Variants in BRCA2 observed in about 807,000 individuals in gnomAD.
BRCA2 encodes BRCA2 DNA repair associated, also known as breast cancer type 2 susceptibility protein.
A neutral mutation model predicts 276.7 loss-of-function variants in BRCA2; 203 were observed. That is an observed-to-expected ratio of 0.73 (90% CI 0.65 to 0.82). BRCA2 has a LOEUF of 0.82. BRCA2 is among the 40% of genes least tolerant of loss of function. The probability of loss-of-function intolerance (pLI) is 0.00; values close to 1 mark genes in which losing one functional copy is unlikely to be tolerated. For synonymous variants in BRCA2, 1,289 were observed against 1,338.4 expected, an observed-to-expected ratio of 0.96 and a Z score of 0.81; for missense variants, 3,920 against 3,915.0, an observed-to-expected ratio of 1.00 and a Z score of -0.03.
chr13:32,381,428 G>A (rs2072923710), intron 24 of BRCA2, among the ~76,000 whole-genome samples: 1 of 152,170 alleles, frequency 6.6e-6, no homozygotes, highest in South Asian at 2.1e-4. Flanking sequence ...GAGAGGTGAG[G>A]AGAGAGACCT....
rs373203204 is a variant in BRCA2 at position 32,376,723 on chromosome 13, C to T, written c.8686C>T (p.Arg2896Cys). ...PSRALTRQQV[R>C]ALQDGAELYE... ...ACGTGCACTAACAAGACAGCAAGTT[C>T]GTGCTTTGCAAGATGGTGCAGAGCT... The change falls in exon 21 of 27, where the codon CGT (arginine) becomes TGT (cysteine). Residue 2896 changes from arginine to cysteine, a missense_variant. Physicochemically the swap from Arg to Cys is radical, Grantham distance 180 (BLOSUM62 -3). Around this residue, in one of 2 missense-constraint regions of BRCA2, gnomAD observed 657 missense variants for 758.2 expected, o/e 0.87. Transcript: ENST00000380152. 28 of 1,614,092 alleles carry T rather than the reference C, an allele frequency of 1.7e-5. No homozygotes were observed. In the South Asian group the frequency reaches 2.0e-4, roughly 11 times the overall value.
chr13:32,335,478 G>C lies in BRCA2; in HGVS notation c.1910-787G>C, dbSNP rs79662804. 7.2e-3 allele frequency among the ~76,000 whole-genome samples: 1,095 copies of C among 152,126 alleles called. 15 individuals carry two copies. Among genetic ancestry groups the C allele is most frequent in the African/African-American group, 0.025 (1,039 of 41,490 alleles). On this transcript the variant is annotated intron_variant, in intron 10 of 26. Transcript: ENST00000380152. ...TCATTTGCCTTTATCGTTGAGATTA[G>C]ATCATCTTTCAGGCTGTTAGTATAT... is the stretch of plus-strand genomic sequence containing the variant.
At chr13:32,351,987 G>T (rs900239613) in intron 13 of BRCA2, among the ~76,000 whole-genome samples, 4 of 152,022 alleles carry the variant, frequency 2.6e-5, no homozygotes, top group Non-Finnish European at 5.9e-5. Flanking sequence ...ATTTTTACTA[G>T]AGAAGGGGTT....
At chr13:32,326,678 A>C (rs1566219479) in intron 7 of BRCA2, 65 bp downstream of exon 7, 2 of 1,219,378 alleles carry the variant, frequency 1.6e-6, no homozygotes, top group Non-Finnish European at 2.4e-6. Flanking sequence ...CATCTCTAAT[A>C]CTTCTGTTAA....
In BRCA2 at chr13:32,333,132, T is replaced by G; in HGVS notation, c.1654T>G (p.Ser552Ala). Reference protein sequence around the residue: ...IHTVCSQKEDSLCPNLIDNGS... With the variant: ...IHTVCSQKEDALCPNLIDNGS... ...TACTGTTTGCTCACAGAAGGAGGAC[T>G]CCTTATGTCCAAATTTAATTGATAA... is the stretch of plus-strand genomic sequence containing the variant. The change falls in exon 10 of 27, where the codon TCC (serine) becomes GCC (alanine). Residue 552 changes from serine (S) to alanine (A), a missense_variant. By Grantham distance (99) the Ser-to-Ala change is moderately conservative. Coordinates refer to ENST00000380152, the MANE Select transcript of BRCA2 (RefSeq NM_000059.4). 6.2e-7 allele frequency: 1 copy of G among 1,614,038 alleles called. No homozygotes were observed. The highest frequency in any genetic ancestry group is 8.5e-7 in the Non-Finnish European group (1 of 1,180,004).
chr13:32,384,646 A>C (rs1216826901), intron 24 of BRCA2: 1 of 222,944 alleles, frequency 4.5e-6, no homozygotes, highest in Non-Finnish European at 9.9e-6. Context: ...ACTGCTGCCT[A>C]ATTCACAGCA....
At chr13:32,375,512 C>A (rs2137609626) in intron 20 of BRCA2, 1 of 285,834 alleles carries the variant, frequency 3.5e-6, no homozygotes, top group Admixed American at 4.3e-5. Context: ...TCACTTTACC[C>A]ATATCTATCA....
In BRCA2 at chr13:32,344,661, T is replaced by C. The variant is rs2137537485; in HGVS notation, c.6937+8T>C. ...CAAAAAGCACTCCAGATGGTAAAAT[T>C]AGCTTTTTATTTATATCTGTTCTCC... On this transcript the variant is annotated splice_region_variant and intron_variant, in intron 12 of 26. Coordinates refer to ENST00000380152, the MANE Select transcript of BRCA2 (RefSeq NM_000059.4). 1.3e-6 allele frequency: 2 copies of C among 1,528,078 alleles called. No homozygotes were observed. The highest frequency in any genetic ancestry group is 1.1e-5 in the South Asian group (1 of 89,242). 94.7% of individuals were successfully genotyped at this position (1,528,078 alleles called of 1,614,324 possible). A position where few individuals can be genotyped will look rare whatever the true frequency, so the allele number is the denominator to read the frequency against.
chr13:32,357,694 GTTTAC>G lies in BRCA2; in HGVS notation c.7618-43_7618-39del, dbSNP rs772312421. 25 of 1,571,892 alleles carry G rather than the reference GTTTAC, an allele frequency of 1.6e-5. No individual in the cohort carries two copies. The highest frequency in any genetic ancestry group is 6.8e-5 in the African/African-American group (5 of 73,776). ...TAATTGTTTTTATTGTGTGATACAT[GTTTAC>G]TTTAAATTGTTTTTCTTTTTTGTGT... On this transcript the variant is annotated intron_variant, in intron 15 of 26. Coordinates refer to ENST00000380152, the MANE Select transcript of BRCA2 (RefSeq NM_000059.4).
chr13:32,331,170 C>T, intron 9 of BRCA2, 140 bp downstream of exon 9: 1 of 661,582 alleles, frequency 1.5e-6, no homozygotes, highest in Non-Finnish European at 2.7e-6. Flanking sequence ...GCGATCCTGC[C>T]TCAGCTTGCC....
At chr13:32,381,794 A>G (rs1007265428) in intron 24 of BRCA2, among the ~76,000 whole-genome samples, 8 of 152,166 alleles carry the variant, frequency 5.3e-5, no homozygotes, top group Non-Finnish European at 1.2e-4. Context: ...CAAACAAGCC[A>G]TTTGGAGGCT....
At chr13:32,332,144 C>A in intron 9 of BRCA2, 128 bp from the exon 10 acceptor site, 2 of 918,336 alleles carry the variant, frequency 2.2e-6, no homozygotes, top group Non-Finnish European at 3.1e-6. Flanking sequence ...TCAGAATAAC[C>A]CTTTAAATAC....
rs1036091086 is a variant in BRCA2 at position 32,338,652 on chromosome 13, G to T, written c.4297G>T (p.Gly1433Trp). ...TSDTFFQTASGKNISVAKESF... is the reference protein window; with the variant it reads ...TSDTFFQTASWKNISVAKESF... ...TGATACATTTTTTCAGACTGCAAGTGGGAAAAATATTAGTGTCGCCAAAGA... is the reference window on the plus strand; with the variant it reads ...TGATACATTTTTTCAGACTGCAAGTTGGAAAAATATTAGTGTCGCCAAAGA... The change falls in exon 11 of 27, where the codon GGG becomes TGG. Residue 1433 changes from glycine (G) to tryptophan (W), a missense_variant. Gly to Trp is a radical substitution (Grantham distance 184). Around this residue, in one of 2 missense-constraint regions of BRCA2, gnomAD observed 3,263 missense variants for 3,156.9 expected, o/e 1.03. Coordinates refer to ENST00000380152, the MANE Select transcript of BRCA2 (RefSeq NM_000059.4). 6.3e-7 allele frequency: 1 copy of T among 1,598,024 alleles called. No homozygotes were observed. Among genetic ancestry groups the T allele is most frequent in the Non-Finnish European group, 8.5e-7 (1 of 1,169,754 alleles).
At chr13:32,333,602 A>G (rs577920744) in intron 10 of BRCA2, among the ~76,000 whole-genome samples, 1 of 151,938 alleles carries the variant, frequency 6.6e-6, no homozygotes, top group Non-Finnish European at 1.5e-5. Context: ...TATATCCATC[A>G]CTCTTGAGAC....
rs770648856 is a variant in BRCA2, at chr13:32,336,632, TTTATA to T, written c.2279_2283del (p.Leu760Ter). 6.2e-7 allele frequency: 1 copy of T among 1,614,070 alleles called. No homozygotes were observed. The highest frequency in any genetic ancestry group is 1.3e-5 in the African/African-American group (1 of 75,048). On this transcript the variant is annotated frameshift_variant, in exon 11 of 27. Transcript: ENST00000380152. LOFTEE classifies it high-confidence loss of function. ...CTGACTTTCAATCCCAGAAAAGTCT[TTTATA>T]TGATCATGAAAATGCCAGCACTCTT...
In BRCA2 at chr13:32,399,046, A is replaced by G. The variant is rs933170268; in HGVS notation, c.*276A>G. ...CTGAGCTCGGTGGCTCATGCCTGTA[A>G]TCCCAACACTTTGAGAAGCTGAGGT... is the stretch of plus-strand genomic sequence containing the variant. On this transcript the variant is annotated 3_prime_UTR_variant, in exon 27 of 27. Coordinates refer to ENST00000380152, the MANE Select transcript of BRCA2 (RefSeq NM_000059.4). 1.0e-5 allele frequency: 4 copies of G among 383,338 alleles called. No homozygotes were observed. The highest frequency in any genetic ancestry group is 4.2e-5 in the African/African-American group (2 of 47,828). 23.7% of individuals were successfully genotyped at this position (383,338 alleles called of 1,614,324 possible).
At chr13:32,347,324 G>C (rs920427460) in intron 13 of BRCA2, among the ~76,000 whole-genome samples, 6 of 152,014 alleles carry the variant, frequency 3.9e-5, no homozygotes, top group Admixed American at 3.3e-4. Flanking sequence ...AAAACATAAA[G>C]GATTTAGTAA....
chr13:32,358,412 G>A (rs1239772462), intron 16 of BRCA2, among the ~76,000 whole-genome samples: 1 of 150,650 alleles, frequency 6.6e-6, no homozygotes, highest in Non-Finnish European at 1.5e-5. Context: ...GGAGGCAGAG[G>A]TTGCAGTGAG....
chr13:32,334,019 A>T (rs2072430656), intron 10 of BRCA2, among the ~76,000 whole-genome samples: 1 of 152,168 alleles, frequency 6.6e-6, no homozygotes, highest in South Asian at 2.1e-4. Flanking sequence ...CCAGTCTATC[A>T]TTGATGGGCA....
Sources: gnomAD v4.1 joint callset for allele counts (sites outside exome capture counted in the v4.1 genomes callset) on GRCh38, gnomAD v4.1.1 for gene constraint, gnomAD v4.1.1 regional missense constraint, MANE v1.5 for transcripts, NCBI Gene and HGNC (gene_info 2026-07-23, HGNC 2026-07-21) for gene names.